Variants in SLC7A11 observed in about 807,000 individuals in gnomAD.
SLC7A11 encodes cystine/glutamate transporter.
A neutral mutation model predicts 54.5 loss-of-function variants in SLC7A11; 35 were observed. The observed-to-expected ratio is 0.64, with a 90% CI of 0.49 to 0.85. SLC7A11 has a LOEUF of 0.85. Among genes scored for constraint, SLC7A11 ranks in the 40% least tolerant of loss-of-function variants. SLC7A11 has a pLI of 0.00. For missense variants in SLC7A11, 583 were observed against 618.1 expected (o/e 0.94, Z 0.60); for synonymous variants, 230 against 225.2 (o/e 1.02, Z -0.19).
Position 138,236,348 on chromosome 4 carries a change from G to A in SLC7A11, c.381C>T (p.Val127=). The A allele has an allele frequency of 6.2e-7, 1 of 1,613,128 alleles. No homozygotes were observed. Among genetic ancestry groups the A allele is most frequent in the Non-Finnish European group, 8.5e-7 (1 of 1,179,452 alleles). The change falls in exon 2 of 12, where the codon GTC becomes GTT. Residue 127 remains valine (V), a synonymous_variant. Transcript: ENST00000280612. ...VFGPLPAFVR[V]WVELLIIRPA... ...ACCGTATTATGAGGAGTTCCACCCA[G>A]ACTCGTACAAAAGCTGGTAATGGAC...
Position 138,225,171 on chromosome 4 carries a change from T to TATATATATATATATATAA in SLC7A11, c.521-1848_521-1847insTTATATATATATATATAT, listed in dbSNP as rs1491164718. 7.6e-5 allele frequency among the ~76,000 whole-genome samples: 10 copies of TATATATATATATATATAA among 131,482 alleles called. No individual in the cohort carries two copies. The East Asian group carries it at 2.1e-3, about 27-fold the overall frequency. The allele number at this position is 131,482 out of a possible 152,430, so 86.3% of individuals were successfully genotyped here. A position where few individuals can be genotyped will look rare whatever the true frequency, so the allele number is the denominator to read the frequency against. On this transcript the variant is annotated intron_variant, in intron 3 of 11. Coordinates refer to ENST00000280612, the MANE Select transcript of SLC7A11 (RefSeq NM_014331.4). ...ATATATATATATATATATATATATA[T>TATATATATATATATATAA]AAATAAAATCATTACATTGTACACC...
At chr4:138,237,312 T>A (rs567865399) in intron 1 of SLC7A11, among the ~76,000 whole-genome samples, 2 of 151,880 alleles carry the variant, frequency 1.3e-5, no homozygotes, top group East Asian at 3.9e-4. Context: ...TTGTAGGATA[T>A]ATTTTGTCAA....
At chr4:138,213,666 C>T (rs1321053495) in intron 6 of SLC7A11, among the ~76,000 whole-genome samples, 2 of 151,720 alleles carry the variant, frequency 1.3e-5, no homozygotes, top group Non-Finnish European at 2.9e-5. Flanking sequence ...CAAGTATTTC[C>T]TTCTTTCCTT....
Position 138,241,870 on chromosome 4 carries a change from T to C in SLC7A11, c.200A>G (p.Lys67Arg). The C allele has an allele frequency of 6.2e-7, 1 of 1,614,090 alleles. No individual in the cohort carries two copies. Among genetic ancestry groups the C allele is most frequent in the Non-Finnish European group, 8.5e-7 (1 of 1,179,994 alleles). Reference protein sequence around the residue: ...IIGAGIFISPKGVLQNTGSVG... With the variant: ...IIGAGIFISPRGVLQNTGSVG... The stretch of plus-strand genomic sequence containing the variant: ...GCTGCCCGTGTTCTGGAGCACGCCC[T>C]TAGGAGAGATGAAGATTCCTGCTCC... The change falls in exon 1 of 12, where the codon AAG (lysine) becomes AGG (arginine). Residue 67 changes from lysine (K) to arginine (R), a missense_variant. Lys to Arg is a conservative substitution (Grantham distance 26). Coordinates refer to ENST00000280612, the MANE Select transcript of SLC7A11 (RefSeq NM_014331.4).
At chr4:138,198,632 A>G (rs2148425691) in intron 6 of SLC7A11, among the ~76,000 whole-genome samples, 1 of 152,216 alleles carries the variant, frequency 6.6e-6, no homozygotes, top group South Asian at 2.1e-4. Flanking sequence ...TTGATAATAG[A>G]CAGACCATTT....
chr4:138,236,284 A>G, intron 2 of SLC7A11, 41 bp downstream of exon 2: 2 of 1,550,366 alleles, frequency 1.3e-6, no homozygotes, highest in African/African-American at 2.8e-5. Flanking sequence ...ATAAGAATGA[A>G]TTGGTTTATT....
intron 6 of SLC7A11, among the ~76,000 whole-genome samples, chr4:138,209,396 G>C (rs996230636): frequency 1.3e-5 from 2 of 151,854 alleles, no homozygotes; most frequent in Non-Finnish European, 2.9e-5. Flanking sequence ...TGTAACTAAA[G>C]GTATTTTGAA....
rs5862372 is a variant in SLC7A11 at position 138,230,413 on chromosome 4, T to TAA, written c.520+1852_520+1853dup. Among the ~76,000 whole-genome samples, 313 of 141,424 alleles carry TAA rather than the reference T, an allele frequency of 2.2e-3. 1 individual carries two copies. The highest frequency in any genetic ancestry group is 0.015 in the Middle Eastern group (4 of 274). 92.8% of individuals were successfully genotyped at this position (141,424 alleles called of 152,430 possible). A position where few individuals can be genotyped will look rare whatever the true frequency, so the allele number is the denominator to read the frequency against. On this transcript the variant is annotated intron_variant, in intron 3 of 11. Transcript: ENST00000280612. ...GTACCCCTGAACTCAAAATGAAAGCTAAAAAAAAAAAAAGAAAAAATAATG... is the reference window on the plus strand; with the variant it reads ...GTACCCCTGAACTCAAAATGAAAGCTAAAAAAAAAAAAAAAGAAAAAATAATG...
chr4:138,219,757 G>A (rs10025829), intron 4 of SLC7A11, among the ~76,000 whole-genome samples: 3,143 of 152,160 alleles, frequency 0.021, 101 homozygotes, highest in African/African-American at 0.07. Context: ...GCAAGAAAAT[G>A]CGGAGAGGTA....
intron 1 of SLC7A11, among the ~76,000 whole-genome samples, chr4:138,239,335 C>T (rs1476483596): frequency 6.6e-6 from 1 of 151,964 alleles, no homozygotes; most frequent in Non-Finnish European, 1.5e-5. Context: ...CCATTTTGCC[C>T]AGATGAAAAA....
In SLC7A11 at chr4:138,167,580, G is replaced by T. The variant is rs146064679; in HGVS notation, c.*4376C>A. The T allele has an allele frequency of 1.3e-5, 2 of 152,116 alleles. No individual in the cohort carries two copies. The highest frequency in any genetic ancestry group is 1.5e-5 in the Non-Finnish European group (1 of 68,034). The allele number at this position is 152,116 out of a possible 1,614,324, so 9.4% of individuals were successfully genotyped here. ...ATATGAAAATTAAGCTTAAATACAC[G>T]TATAGGTAATAATTATTTTGCCCAT... On this transcript the variant is annotated 3_prime_UTR_variant, in exon 12 of 12. Coordinates refer to ENST00000280612, the MANE Select transcript of SLC7A11 (RefSeq NM_014331.4).
In SLC7A11 at chr4:138,168,904, C is replaced by T. The variant is rs1321645445; in HGVS notation, c.*3052G>A. ...TAATACTTTTTAAATGGGGTCAAAACAGTATTATAAGGAAAATATTTACTG... is the reference window on the plus strand; with the variant it reads ...TAATACTTTTTAAATGGGGTCAAAATAGTATTATAAGGAAAATATTTACTG... On this transcript the variant is annotated 3_prime_UTR_variant, in exon 12 of 12. Coordinates refer to ENST00000280612, the MANE Select transcript of SLC7A11 (RefSeq NM_014331.4). 3.3e-5 allele frequency: 5 copies of T among 152,204 alleles called. No homozygotes were observed. Among genetic ancestry groups the T allele is most frequent in the Non-Finnish European group, 1.5e-5 (1 of 68,008 alleles). The allele number at this position is 152,204 out of a possible 1,614,324, so 9.4% of individuals were successfully genotyped here.
chr4:138,167,141 C>CTTTTTTTTTTTTTTTT lies in SLC7A11; in HGVS notation c.*4799_*4814dup, dbSNP rs1035030161. 4.7e-5 allele frequency: 4 copies of CTTTTTTTTTTTTTTTT among 85,714 alleles called. No individual in the cohort carries two copies. Among genetic ancestry groups the CTTTTTTTTTTTTTTTT allele is most frequent in the Admixed American group, 1.6e-4 (1 of 6,270 alleles). 5.3% of individuals were successfully genotyped at this position (85,714 alleles called of 1,614,324 possible). ...ATACCTTTAGCTATTATTTAAAAAT[C>CTTTTTTTTTTTTTTTT]TTTTTTTTTTTTTTTTTTTTTTTTT... On this transcript the variant is annotated 3_prime_UTR_variant, in exon 12 of 12. Transcript: ENST00000280612.
chr4:138,226,521 C>T, intron 3 of SLC7A11, among the ~76,000 whole-genome samples: 1 of 151,958 alleles, frequency 6.6e-6, no homozygotes, highest in South Asian at 2.1e-4. Context: ...AGCTGAGATG[C>T]CCCTGAATTA....
At chr4:138,211,262 C>T (rs1737541151) in intron 6 of SLC7A11, among the ~76,000 whole-genome samples, 1 of 151,656 alleles carries the variant, frequency 6.6e-6, no homozygotes. Context: ...AAGAGTGGGG[C>T]AAAAGCTGAA....
chr4:138,175,265 G>A (rs982172783), intron 11 of SLC7A11, among the ~76,000 whole-genome samples: 2 of 152,166 alleles, frequency 1.3e-5, no homozygotes, highest in Non-Finnish European at 2.9e-5. Context: ...ATGCATTACA[G>A]TCATTCTGCT....
At chr4:138,194,365 G>C (rs986736741) in intron 6 of SLC7A11, among the ~76,000 whole-genome samples, 1 of 152,062 alleles carries the variant, frequency 6.6e-6, no homozygotes, top group Admixed American at 6.6e-5. Flanking sequence ...CAGCTCAAAA[G>C]TTAAAACTTT....
rs781708991 is a variant in SLC7A11, at chr4:138,183,209, C to T, written c.1012G>A (p.Val338Ile). ...FGSMNGGVFAVSRLFYVASRE... is the reference protein window; with the variant it reads ...FGSMNGGVFAISRLFYVASRE... ...ATACATGAACTCACTCACCTGGAGA[C>T]AGCAAACACACCACCGTTCATGGAG... is the stretch of plus-strand genomic sequence containing the variant. Residue 338 changes from valine to isoleucine, a missense_variant, in exon 8 of 12, where the codon GTC becomes ATC. By Grantham distance (29) the Val-to-Ile change is conservative. Transcript: ENST00000280612. The T allele has an allele frequency of 1.9e-6, 3 of 1,607,976 alleles. No individual in the cohort carries two copies. The Admixed American group carries it at 5.0e-5, about 27-fold the overall frequency.
At chr4:138,178,351 A>T (rs550657619) in intron 11 of SLC7A11, among the ~76,000 whole-genome samples, 21 of 152,210 alleles carry the variant, frequency 1.4e-4, no homozygotes, top group African/African-American at 4.8e-4. Flanking sequence ...TATCATATTT[A>T]TGTGCCACAT....
Sources: allele counts gnomAD v4.1 joint callset (sites outside exome capture counted in the v4.1 genomes callset), GRCh38; gene constraint gnomAD v4.1.1; transcripts MANE v1.5; gene names NCBI Gene and HGNC (gene_info 2026-07-23, HGNC 2026-07-21).